The following USP31 variants were observed in gnomAD, a reference collection of about 807,000 sequenced individuals.
USP31 encodes the protein ubiquitin specific peptidase 31.
Under a neutral mutation model 119.4 loss-of-function variants are expected in USP31, and 44 were observed. The observed-to-expected ratio is 0.37, with a 90% CI of 0.29 to 0.47. The LOEUF is 0.47. Ranked by LOEUF, USP31 falls within the 20% of genes least tolerant of loss-of-function variation. The pLI, the probability that USP31 is intolerant of heterozygous loss-of-function variation, is 0.99. For missense variants in USP31, 1,643 were observed against 1,730.2 expected (o/e 0.95, Z 0.89); for synonymous variants, 749 against 705.6 (o/e 1.06, Z -0.97).
intron 1 of USP31, among the ~76,000 whole-genome samples, chr16:23,134,835 G>A (rs1019133547): frequency 6.6e-6 from 1 of 151,738 alleles, no homozygotes; most frequent in Non-Finnish European, 1.5e-5. Flanking sequence ...AAAAGAGGAA[G>A]AGAATGAGGG....
chr16:23,122,463 T>C (rs1902703550), intron 1 of USP31, among the ~76,000 whole-genome samples: 1 of 152,170 alleles, frequency 6.6e-6, no homozygotes, highest in Admixed American at 6.5e-5. Context: ...CTCTAAAATA[T>C]ACCCGAGGAA....
intron 1 of USP31, among the ~76,000 whole-genome samples, 164 bp from the exon 2 acceptor site, chr16:23,108,347 C>T (rs1902192973): frequency 6.6e-6 from 1 of 152,150 alleles, no homozygotes; most frequent in Admixed American, 6.5e-5. Context: ...AAACCTCACC[C>T]CTAGAAACAT....
chr16:23,115,040 G>A (rs977674549), intron 1 of USP31, among the ~76,000 whole-genome samples: 1 of 138,372 alleles, frequency 7.2e-6, no homozygotes, highest in African/African-American at 2.5e-5. Context: ...CAAACCACTG[G>A]TTATCAAGAG....
intron 6 of USP31, among the ~76,000 whole-genome samples, chr16:23,092,778 G>C (rs1901426164): frequency 6.6e-6 from 1 of 152,150 alleles, no homozygotes; most frequent in African/African-American, 2.4e-5. Flanking sequence ...AAACTGAATT[G>C]TAAGCTGGCA....
At chr16:23,078,395 G>C (rs1003696612) in intron 13 of USP31, among the ~76,000 whole-genome samples, 3 of 151,764 alleles carry the variant, frequency 2.0e-5, no homozygotes, top group Admixed American at 1.3e-4. Context: ...GCGTGAAGAT[G>C]AGGATGCAGA....
At chr16:23,107,611 A>G (rs572957101) in intron 2 of USP31, among the ~76,000 whole-genome samples, 16 of 152,328 alleles carry the variant, frequency 1.1e-4, no homozygotes, top group Non-Finnish European at 2.1e-4. Context: ...ATGTTTCTCA[A>G]TAAGAACATT....
Position 23,074,225 on chromosome 16 carries a change from G to A in USP31, c.2177-345C>T, listed in dbSNP as rs962404675. Among the ~76,000 whole-genome samples, 3 of 152,114 alleles carry A rather than the reference G, an allele frequency of 2.0e-5. No homozygotes were observed. The East Asian group carries it at 5.8e-4, about 29-fold the overall frequency. On this transcript the variant is annotated intron_variant, in intron 13 of 15. Transcript: ENST00000219689. ...TTTTTGATTGTCACAACTCAAGGGAGAGGTGCTACTGGCATCTAGTGGGTA... is the reference window on the plus strand; with the variant it reads ...TTTTTGATTGTCACAACTCAAGGGAAAGGTGCTACTGGCATCTAGTGGGTA...
intron 2 of USP31, 80 bp downstream of exon 2, chr16:23,107,966 G>A (rs184571968): frequency 6.4e-5 from 94 of 1,476,134 alleles, no homozygotes; most frequent in Middle Eastern, 2.5e-4. Flanking sequence ...TTGTATTAAC[G>A]CAATGCAACA....
At chr16:23,087,975 T>G (rs1220281671) in intron 7 of USP31, 140 bp from the exon 8 acceptor site, 11 of 690,236 alleles carry the variant, frequency 1.6e-5, no homozygotes, top group Non-Finnish European at 2.4e-5. Context: ...AAACAGGAAA[T>G]TTAATGGTAA....
chr16:23,138,407 G>C (rs1215802594), intron 1 of USP31, among the ~76,000 whole-genome samples: 2 of 152,100 alleles, frequency 1.3e-5, no homozygotes, highest in Non-Finnish European at 2.9e-5. Context: ...TGTTTGTCCT[G>C]AACCAGGTTC....
chr16:23,101,567 C>A (rs1259475545), intron 6 of USP31, among the ~76,000 whole-genome samples: 1 of 152,106 alleles, frequency 6.6e-6, no homozygotes, highest in Non-Finnish European at 1.5e-5. Context: ...ACCTAAAGGG[C>A]TTGTTTACCA....
intron 1 of USP31, among the ~76,000 whole-genome samples, chr16:23,123,860 C>T (rs1306753164): frequency 6.6e-6 from 1 of 151,970 alleles, no homozygotes; most frequent in Non-Finnish European, 1.5e-5. Context: ...ATTAGCCAGG[C>T]ATGGTGGCGC....
chr16:23,105,619 C>A, intron 4 of USP31, 43 bp from the exon 5 acceptor site: 1 of 1,484,130 alleles, frequency 6.7e-7, no homozygotes, highest in Non-Finnish European at 9.0e-7. Flanking sequence ...TCACTTATTT[C>A]AACTAAAATA....
chr16:23,100,104 T>C (rs973037621), intron 6 of USP31, among the ~76,000 whole-genome samples: 1 of 152,228 alleles, frequency 6.6e-6, no homozygotes, highest in Admixed American at 6.5e-5. Flanking sequence ...GCAGCCACTT[T>C]GGAAAAGTCT....
chr16:23,079,141 A>G (rs1273183620), intron 13 of USP31: 1 of 152,230 alleles, frequency 6.6e-6, no homozygotes, highest in Non-Finnish European at 1.5e-5. Context: ...ATGGATAGTG[A>G]TAATGGTTGC....
intron 5 of USP31, among the ~76,000 whole-genome samples, chr16:23,103,193 C>T (rs1313672060): frequency 5.9e-5 from 9 of 152,114 alleles, no homozygotes; most frequent in East Asian, 1.9e-4. Flanking sequence ...TAAAGTTCTA[C>T]AACGATTCAG....
intron 13 of USP31, among the ~76,000 whole-genome samples, chr16:23,076,571 G>A (rs1596686894): frequency 1.3e-5 from 2 of 152,298 alleles, no homozygotes; most frequent in Middle Eastern, 6.8e-3. Context: ...AGAAAGATGT[G>A]TCTGGCTTCT....
At chr16:23,130,025 AT>A (rs1902980822) in intron 1 of USP31, among the ~76,000 whole-genome samples, 1 of 152,216 alleles carries the variant, frequency 6.6e-6, no homozygotes, top group African/African-American at 2.4e-5. Context: ...TTTCTCACCT[AT>A]TCCTGATTAT....
intron 11 of USP31, 74 bp from the exon 12 acceptor site, chr16:23,082,631 G>A (rs1735208116): frequency 6.3e-7 from 1 of 1,593,158 alleles, no homozygotes; most frequent in Non-Finnish European, 8.6e-7. Context: ...TAATGCCTTA[G>A]CCAGGGCATG....
Sources: allele counts gnomAD v4.1 joint callset (sites outside exome capture counted in the v4.1 genomes callset), GRCh38; gene constraint gnomAD v4.1.1; transcripts MANE v1.5; gene names NCBI Gene and HGNC (gene_info 2026-07-23, HGNC 2026-07-21).